Variants in TAFA4 observed in about 807,000 individuals in gnomAD.
TAFA4 encodes the protein chemokine-like protein TAFA-4.
Under a neutral mutation model 21.1 loss-of-function variants are expected in TAFA4, and 20 were observed. The ratio of observed to expected loss-of-function variants is 0.95; its 90% CI spans 0.67 to 1.38. The LOEUF is 1.38. Ranked by LOEUF, TAFA4 falls within the 40% of genes most tolerant of loss-of-function variation. The probability of loss-of-function intolerance (pLI) is 0.00; values close to 1 mark genes in which losing one functional copy is unlikely to be tolerated. For missense variants in TAFA4, 211 were observed against 180.9 expected (o/e 1.17, Z -0.95); for synonymous variants, 71 against 67.4 (o/e 1.05, Z -0.26).
At chr3:68,741,922 A>G (rs1451617310) in intron 4 of TAFA4, among the ~76,000 whole-genome samples, 2 of 152,354 alleles carry the variant, frequency 1.3e-5, no homozygotes, top group South Asian at 2.1e-4. Context: ...AGGACACTAC[A>G]AAAAAGAAAA....
intron 3 of TAFA4, among the ~76,000 whole-genome samples, chr3:68,782,130 T>A (rs1055791928): frequency 3.3e-5 from 5 of 152,024 alleles, no homozygotes; most frequent in African/African-American, 1.2e-4. Context: ...CCAGAATACA[T>A]CAAAAACTCT....
At chr3:68,811,154 C>T (rs1452210231) in intron 3 of TAFA4, among the ~76,000 whole-genome samples, 1 of 152,090 alleles carries the variant, frequency 6.6e-6, no homozygotes, top group Non-Finnish European at 1.5e-5. Flanking sequence ...AGGACATCCA[C>T]ACCAAAACCC....
intron 3 of TAFA4, among the ~76,000 whole-genome samples, chr3:68,760,881 G>A (rs929818750): frequency 6.6e-6 from 1 of 152,210 alleles, no homozygotes; most frequent in Non-Finnish European, 1.5e-5. Context: ...GTTTAGTTGT[G>A]AAGACAAATA....
chr3:68,753,566 C>T (rs1010783216), intron 3 of TAFA4, among the ~76,000 whole-genome samples: 1 of 151,984 alleles, frequency 6.6e-6, no homozygotes, highest in South Asian at 2.1e-4. Flanking sequence ...GAACTCCTGA[C>T]CTCAAGTGAT....
At chr3:68,796,266 G>C (rs1703452451) in intron 3 of TAFA4, among the ~76,000 whole-genome samples, 1 of 152,084 alleles carries the variant, frequency 6.6e-6, no homozygotes, top group South Asian at 2.1e-4. Context: ...ACAAACTGTA[G>C]AATAACAAAC....
At chr3:68,922,179 G>C (rs1248793819) in intron 1 of TAFA4, among the ~76,000 whole-genome samples, 1 of 152,170 alleles carries the variant, frequency 6.6e-6, no homozygotes, top group Non-Finnish European at 1.5e-5. Context: ...TATTGTGTAA[G>C]AAAGTGTTAT....
intron 3 of TAFA4, among the ~76,000 whole-genome samples, chr3:68,768,898 A>T (rs1255904787): frequency 6.6e-6 from 1 of 152,230 alleles, no homozygotes; most frequent in Non-Finnish European, 1.5e-5. Flanking sequence ...TGCTGAACCC[A>T]TAACAGTAGA....
At chr3:68,819,274 T>TAAAAAAAA (rs59090610) in intron 3 of TAFA4, among the ~76,000 whole-genome samples, 1 of 109,344 alleles carries the variant, frequency 9.1e-6, no homozygotes, top group Non-Finnish European at 2.0e-5. Flanking sequence ...TGTCTTTAAT[T>TAAAAAAAA]AAAAAAAAAA....
intron 1 of TAFA4, among the ~76,000 whole-genome samples, chr3:68,909,697 G>A (rs990568086): frequency 1.3e-5 from 2 of 152,206 alleles, no homozygotes; most frequent in Non-Finnish European, 2.9e-5. Context: ...TATCAGATGG[G>A]ACTGGGTTCA....
At chr3:68,805,906 G>A (rs1244950720) in intron 3 of TAFA4, among the ~76,000 whole-genome samples, 1 of 151,726 alleles carries the variant, frequency 6.6e-6, no homozygotes, top group East Asian at 1.9e-4. Context: ...GTATACATAC[G>A]TAACAAACCT....
intron 4 of TAFA4, among the ~76,000 whole-genome samples, chr3:68,752,118 C>T (rs2106751585): frequency 6.6e-6 from 1 of 152,086 alleles, no homozygotes; most frequent in Middle Eastern, 3.2e-3. Context: ...AACTGCTGAC[C>T]TTTAGACATG....
At chr3:68,771,251 T>A (rs1702951328) in intron 3 of TAFA4, among the ~76,000 whole-genome samples, 1 of 152,212 alleles carries the variant, frequency 6.6e-6, no homozygotes, top group African/African-American at 2.4e-5. Flanking sequence ...AAGCCCTCTG[T>A]CCTTGTGATA....
intron 5 of TAFA4, among the ~76,000 whole-genome samples, chr3:68,733,514 G>A (rs1223197335): frequency 6.6e-6 from 1 of 152,142 alleles, no homozygotes; most frequent in Non-Finnish European, 1.5e-5. Flanking sequence ...TAAAATCAGT[G>A]CATGTCAAGA....
At chr3:68,863,560 C>G (rs534453598) in intron 3 of TAFA4, among the ~76,000 whole-genome samples, 3 of 152,016 alleles carry the variant, frequency 2.0e-5, no homozygotes, top group East Asian at 3.9e-4. Context: ...AAAATTTCAT[C>G]TAACAGCTGT....
intron 3 of TAFA4, among the ~76,000 whole-genome samples, chr3:68,866,703 A>C (rs546004856): frequency 4.5e-4 from 67 of 150,322 alleles, no homozygotes; most frequent in Middle Eastern, 3.4e-3. Context: ...AAAAAAAAAA[A>C]CTCAGAAATG....
rs560945040 is a variant in TAFA4, at chr3:68,863,182, G to A, written c.130+17548C>T. 3.3e-5 allele frequency among the ~76,000 whole-genome samples: 5 copies of A among 152,102 alleles called. No homozygotes were observed. The South Asian group carries it at 1.0e-3, about 31-fold the overall frequency. On this transcript the variant is annotated intron_variant, in intron 3 of 5. Transcript: ENST00000295569. The stretch of plus-strand genomic sequence containing the variant: ...ACTTGAGCCCGGGAAGGTGGGGGTT[G>A]CAGTGAGCTATGATCATACCACTGC...
intron 3 of TAFA4, among the ~76,000 whole-genome samples, chr3:68,786,152 T>A (rs978680177): frequency 3.7e-4 from 56 of 152,206 alleles, no homozygotes; most frequent in Non-Finnish European, 3.5e-4. Flanking sequence ...TACTTTGTGT[T>A]TTTTTAAAAA....
Position 68,732,828 on chromosome 3 carries a change from T to C in TAFA4, c.*314A>G, listed in dbSNP as rs1396165193. 4 of 334,088 alleles carry C rather than the reference T, an allele frequency of 1.2e-5. No homozygotes were observed. The highest frequency in any genetic ancestry group is 2.2e-5 in the Non-Finnish European group (4 of 184,880). The allele number at this position is 334,088 out of a possible 1,614,324, so 20.7% of individuals were successfully genotyped here. ...GTAAAAGCAGAAAGAAAGTGAAGAA[T>C]GAACATGCCCTTAGTGGTGATCCAT... On this transcript the variant is annotated 3_prime_UTR_variant, in exon 6 of 6. Transcript: ENST00000295569.
At chr3:68,758,492 C>T (rs1328632400) in intron 3 of TAFA4, among the ~76,000 whole-genome samples, 5 of 152,210 alleles carry the variant, frequency 3.3e-5, no homozygotes, top group African/African-American at 7.2e-5. Context: ...CCTGCTGCCA[C>T]GTTAAGACGT....
Sources: gnomAD v4.1 joint callset for allele counts (sites outside exome capture counted in the v4.1 genomes callset) on GRCh38, gnomAD v4.1.1 for gene constraint, MANE v1.5 for transcripts, NCBI Gene and HGNC (gene_info 2026-07-23, HGNC 2026-07-21) for gene names.